Variants in FMNL3 observed in about 807,000 individuals in gnomAD.
FMNL3 encodes formin-like protein 3.
A neutral mutation model predicts 119.6 loss-of-function variants in FMNL3; 57 were observed. The observed-to-expected ratio is 0.48, with a 90% CI of 0.39 to 0.59. FMNL3 has a LOEUF of 0.59. Among genes scored for constraint, FMNL3 ranks in the 20% least tolerant of loss-of-function variants. The pLI is 0.00. For missense variants in FMNL3, 1,053 were observed against 1,323.5 expected, an observed-to-expected ratio of 0.80 and a Z score of 3.17; for synonymous variants, 491 against 507.3, an observed-to-expected ratio of 0.97 and a Z score of 0.43.
In FMNL3 at chr12:49,654,307, A is replaced by G. The variant is rs1318214898; in HGVS notation, c.961-5T>C. On this transcript the variant is annotated splice_region_variant and splice_polypyrimidine_tract_variant and intron_variant, in intron 10 of 25. Transcript: ENST00000335154. Reference sequence around the variant, plus strand: ...GATGAACTGCATGCAGGCCACCTGAAGAAGAGGAGGCCCAGAGAAGCAGCA... The same window carrying G: ...GATGAACTGCATGCAGGCCACCTGAGGAAGAGGAGGCCCAGAGAAGCAGCA... The G allele has an allele frequency of 9.9e-6, 16 of 1,612,208 alleles. No homozygotes were observed. The highest frequency in any genetic ancestry group is 1.4e-5 in the Non-Finnish European group (16 of 1,178,510).
intron 1 of FMNL3, among the ~76,000 whole-genome samples, chr12:49,678,228 G>C (rs1944245314): frequency 6.6e-6 from 1 of 151,662 alleles, no homozygotes; most frequent in South Asian, 2.1e-4. Context: ...TGTGATCTCG[G>C]CTCACCACAA....
intron 5 of FMNL3, among the ~76,000 whole-genome samples, chr12:49,660,225 TC>T (rs1943692862): frequency 6.6e-6 from 1 of 152,116 alleles, no homozygotes; most frequent in Non-Finnish European, 1.5e-5. Flanking sequence ...ACACATTCTC[TC>T]CCCCACACAA....
intron 1 of FMNL3, among the ~76,000 whole-genome samples, chr12:49,675,361 G>A (rs923184060): frequency 1.3e-5 from 2 of 152,218 alleles, no homozygotes; most frequent in African/African-American, 4.8e-5. Context: ...AGAATGGAAA[G>A]TATTCTGCTG....
At position 49,707,381 on chromosome 12, in the gene FMNL3, G is replaced by T; in HGVS notation, c.-201C>A. 2.4e-6 allele frequency: 1 copy of T among 414,626 alleles called. No homozygotes were observed. The highest frequency in any genetic ancestry group is 4.2e-6 in the Non-Finnish European group (1 of 239,648). 25.7% of individuals were successfully genotyped at this position (414,626 alleles called of 1,614,324 possible). The stretch of plus-strand genomic sequence containing the variant: ...GGCGGAGGCAGCGTAGCGGACAGCC[G>T]CACCGAAGCAAGGCGGACGGAGGCG... On this transcript the variant is annotated 5_prime_UTR_variant, in exon 1 of 26. Coordinates refer to ENST00000335154, the MANE Select transcript of FMNL3 (RefSeq NM_175736.5).
intron 1 of FMNL3, among the ~76,000 whole-genome samples, chr12:49,670,289 CCAAA>C (rs1259804945): frequency 6.6e-6 from 1 of 152,302 alleles, no homozygotes; most frequent in South Asian, 2.1e-4. Context: ...AAAGAAAATC[CCAAA>C]CATTTATTCT....
intron 1 of FMNL3, among the ~76,000 whole-genome samples, chr12:49,701,028 G>A (rs189214111): frequency 9.4e-5 from 14 of 148,420 alleles, no homozygotes; most frequent in Non-Finnish European, 1.5e-4. Context: ...GCAGTGAGCC[G>A]AGATCGGGCC....
At position 49,638,241 on chromosome 12, in the gene FMNL3, T is replaced by G; in HGVS notation, c.*7574A>C. 5.6e-6 allele frequency: 1 copy of G among 177,746 alleles called. No individual in the cohort carries two copies. Among genetic ancestry groups the G allele is most frequent in the Non-Finnish European group, 1.2e-5 (1 of 83,462 alleles). The allele number at this position is 177,746 out of a possible 1,614,324, so 11.0% of individuals were successfully genotyped here. On this transcript the variant is annotated 3_prime_UTR_variant, in exon 26 of 26. Coordinates refer to ENST00000335154, the MANE Select transcript of FMNL3 (RefSeq NM_175736.5). The stretch of plus-strand genomic sequence containing the variant: ...TAAACTGGTAGCACACAGATTGTTC[T>G]TTCTGGCCTGTACAGTGTTCTGTAA...
intron 1 of FMNL3, among the ~76,000 whole-genome samples, chr12:49,695,784 T>C (rs974776201): frequency 6.6e-6 from 1 of 151,828 alleles, no homozygotes; most frequent in Non-Finnish European, 1.5e-5. Context: ...AATTCTGTTA[T>C]GAAATATCCG....
At position 49,644,004 on chromosome 12, in the gene FMNL3, G is replaced by A. The variant is rs1406439203; in HGVS notation, c.*1811C>T. 1 of 1,614,170 alleles carries A rather than the reference G, an allele frequency of 6.2e-7. No homozygotes were observed. Among genetic ancestry groups the A allele is most frequent in the East Asian group, 2.2e-5 (1 of 44,884 alleles). ...CAGGCTTTGGAATCAAGAAGGAGAAGGTGAGGGGCAGGGGCCCTAGGCCAG... is the reference window on the plus strand; with the variant it reads ...CAGGCTTTGGAATCAAGAAGGAGAAAGTGAGGGGCAGGGGCCCTAGGCCAG... On this transcript the variant is annotated 3_prime_UTR_variant, in exon 26 of 26. Transcript: ENST00000335154.
chr12:49,656,780 G>T, intron 8 of FMNL3, 43 bp downstream of exon 8: 1 of 1,548,002 alleles, frequency 6.5e-7, no homozygotes, highest in Non-Finnish European at 8.9e-7. Context: ...GATCTCCAGA[G>T]CCCTGGACAG....
chr12:49,651,346 C>A, intron 15 of FMNL3, 36 bp downstream of exon 15: 1 of 1,594,506 alleles, frequency 6.3e-7, no homozygotes, highest in South Asian at 1.1e-5. Context: ...CACCCCTGGT[C>A]CCACCAGCCC....
rs771626942 is a variant in FMNL3, at chr12:49,658,463, G to A, written c.584C>T (p.Ser195Phe). Residue 195 changes from serine (S) to phenylalanine (F), a missense_variant, in exon 6 of 26, where the codon TCT becomes TTT. By Grantham distance (155) the Ser-to-Phe change is radical. Around this residue, in one of 4 missense-constraint regions of FMNL3, gnomAD observed 264 missense variants for 265.5 expected, o/e 0.99. Coordinates refer to ENST00000335154, the MANE Select transcript of FMNL3 (RefSeq NM_175736.5). ...SAPFTNSLARSARQSVLRYST... is the reference protein window; with the variant it reads ...SAPFTNSLARFARQSVLRYST... ...ATACCGGAGCACAGACTGGCGCGCA[G>A]AGCGAGCGAGGCTGTTGGTGAAGGG... 1.2e-6 allele frequency: 2 copies of A among 1,610,460 alleles called. No individual in the cohort carries two copies. Among genetic ancestry groups the A allele is most frequent in the Non-Finnish European group, 8.5e-7 (1 of 1,177,832 alleles).
intron 1 of FMNL3, among the ~76,000 whole-genome samples, chr12:49,679,359 C>T (rs1944275998): frequency 6.6e-6 from 1 of 152,036 alleles, no homozygotes; most frequent in Non-Finnish European, 1.5e-5. Flanking sequence ...AAATTGTATG[C>T]ATCCTTCAGG....
chr12:49,688,770 T>G (rs1385834917), intron 1 of FMNL3: 1 of 267,194 alleles, frequency 3.7e-6, no homozygotes, highest in Non-Finnish European at 7.5e-6. Context: ...TTGGCCTGGA[T>G]AATTAGCTGG....
rs1351172140 is a variant in FMNL3 at position 49,657,182 on chromosome 12, G to C, written c.614C>G (p.Thr205Ser). ...SARQSVLRYS[T>S]LPGRRALKNS... ...CTTCAGGGCCCTGCGCCCAGGGAGAGTGCTATACCTGGGGAGATGGGCCAG... is the reference window on the plus strand; with the variant it reads ...CTTCAGGGCCCTGCGCCCAGGGAGACTGCTATACCTGGGGAGATGGGCCAG... The change falls in exon 7 of 26, where the codon ACT (threonine) becomes AGT (serine). Residue 205 changes from threonine to serine, a missense_variant. Transcript: ENST00000335154. 1.9e-6 allele frequency: 3 copies of C among 1,613,950 alleles called. No homozygotes were observed. The highest frequency in any genetic ancestry group is 2.5e-6 in the Non-Finnish European group (3 of 1,179,880).
Position 49,642,167 on chromosome 12 carries a change from G to A in FMNL3, c.*3648C>T, listed in dbSNP as rs923260652. 6.2e-7 allele frequency: 1 copy of A among 1,612,848 alleles called. No individual in the cohort carries two copies. Among genetic ancestry groups the A allele is most frequent in the South Asian group, 1.1e-5 (1 of 90,990 alleles). On this transcript the variant is annotated 3_prime_UTR_variant, in exon 26 of 26. Transcript: ENST00000335154. This position sits in a 1 kb window ranked among gnomAD's most constrained non-coding sequence, Gnocchi z 5.8. The stretch of plus-strand genomic sequence containing the variant: ...AGACCCTAACTTTCCACCTCCTAAG[G>A]TATGCCTGAGTGGGACCTGGCATCC...
intron 1 of FMNL3, among the ~76,000 whole-genome samples, chr12:49,698,810 CAA>C (rs1459305268): frequency 1.3e-5 from 2 of 152,144 alleles, no homozygotes; most frequent in African/African-American, 2.4e-5. Flanking sequence ...CCCAGAGAGG[CAA>C]AAGAGAGAGA....
rs1472453134 is a variant in FMNL3, at chr12:49,644,212, C to T, written c.*1603G>A. The T allele has an allele frequency of 6.2e-7, 1 of 1,613,582 alleles. No individual in the cohort carries two copies. The highest frequency in any genetic ancestry group is 8.5e-7 in the Non-Finnish European group (1 of 1,179,794). On this transcript the variant is annotated 3_prime_UTR_variant, in exon 26 of 26. Transcript: ENST00000335154. ...CAGTGACCCAATGAGCTGTTCTCTG[C>T]CTCGGGTCTGTGTGAGGCCATGGCT...
intron 1 of FMNL3, 104 bp downstream of exon 1, chr12:49,706,951 C>G (rs1354580722): frequency 3.7e-6 from 5 of 1,352,322 alleles, no homozygotes; most frequent in Non-Finnish European, 5.0e-6. Flanking sequence ...TTCGGGACCC[C>G]GACTGAAAGG....
Sources: gnomAD v4.1 joint callset for allele counts (sites outside exome capture counted in the v4.1 genomes callset) on GRCh38, gnomAD v4.1.1 for gene constraint, gnomAD v4.1.1 regional missense constraint, Gnocchi (gnomAD v3.1) non-coding constraint, MANE v1.5 for transcripts, NCBI Gene and HGNC (gene_info 2026-07-23, HGNC 2026-07-21) for gene names.